RNF13: variants seen among roughly 807,000 people sequenced by gnomAD.
RNF13 encodes the protein E3 ubiquitin-protein ligase RNF13.
Under a neutral mutation model 37.7 loss-of-function variants are expected in RNF13, and 19 were observed. The observed-to-expected ratio is 0.50, with a 90% CI of 0.35 to 0.74. The LOEUF (loss-of-function observed/expected upper bound fraction) is 0.74. Ranked by LOEUF, RNF13 falls within the 30% of genes least tolerant of loss-of-function variation. The pLI, the probability that RNF13 is intolerant of heterozygous loss-of-function variation, is 0.01. For synonymous variants in RNF13, 144 were observed against 157.8 expected, an observed-to-expected ratio of 0.91 and a Z score of 0.65; for missense variants, 375 against 453.0, an observed-to-expected ratio of 0.83 and a Z score of 1.56.
chr3:149,888,774 C>A (rs537195179), intron 4 of RNF13, among the ~76,000 whole-genome samples: 1 of 152,294 alleles, frequency 6.6e-6, no homozygotes, highest in African/African-American at 2.4e-5. Context: ...GTAGCCTGGA[C>A]ATATACACAT....
intron 8 of RNF13, among the ~76,000 whole-genome samples, chr3:149,926,033 G>A (rs145814746): frequency 1.8e-3 from 280 of 152,220 alleles, no homozygotes; most frequent in African/African-American, 6.4e-3. Flanking sequence ...ATATATGCCC[G>A]TGTGTCTGTT....
chr3:149,837,619 C>T (rs888119243), intron 1 of RNF13, among the ~76,000 whole-genome samples: 4 of 152,156 alleles, frequency 2.6e-5, no homozygotes, highest in African/African-American at 9.7e-5. Context: ...ATAAATCCAT[C>T]AGATCTCATG....
chr3:149,907,294 G>A (rs1001696650), intron 6 of RNF13, among the ~76,000 whole-genome samples: 2 of 152,132 alleles, frequency 1.3e-5, no homozygotes, highest in African/African-American at 4.8e-5. Context: ...TTAAATAGTA[G>A]TAGAGATAGG....
intron 3 of RNF13, among the ~76,000 whole-genome samples, chr3:149,870,377 G>A (rs1365252089): frequency 1.3e-5 from 2 of 151,474 alleles, no homozygotes; most frequent in African/African-American, 4.8e-5. Context: ...TGTGGCCCTG[G>A]GAATGATCTC....
At chr3:149,823,574 C>A (rs1370372832) in intron 1 of RNF13, among the ~76,000 whole-genome samples, 1 of 152,102 alleles carries the variant, frequency 6.6e-6, no homozygotes, top group Non-Finnish European at 1.5e-5. Flanking sequence ...GATTTATATT[C>A]ATTGGAAAAT....
chr3:149,954,878 G>A (rs1721710130), intron 8 of RNF13, among the ~76,000 whole-genome samples: 1 of 152,016 alleles, frequency 6.6e-6, no homozygotes, highest in South Asian at 2.1e-4. Flanking sequence ...AGCAAAATGT[G>A]GTTTCCTGTA....
Position 149,960,792 on chromosome 3 carries a change from T to G in RNF13, c.834T>G (p.Cys278Trp). Residue 278 changes from cysteine (C) to tryptophan (W), a missense_variant, in exon 10 of 10, where the codon TGT (cysteine) becomes TGG (tryptophan). Physicochemically the swap from Cys to Trp is radical, Grantham distance 215. Transcript: ENST00000392894. Reference protein sequence around the residue: ...DPWLTKTKKTCPVCKQKVVPS... With the variant: ...DPWLTKTKKTWPVCKQKVVPS... ...GGCTAACTAAAACCAAAAAAACCTG[T>G]CCAGTGTGCAAGCAAAAAGTTGTTC... 1 of 1,614,062 alleles carries G rather than the reference T, an allele frequency of 6.2e-7. No homozygotes were observed. Among genetic ancestry groups the G allele is most frequent in the Non-Finnish European group, 8.5e-7 (1 of 1,179,988 alleles).
chr3:149,942,038 C>T (rs1350877364), intron 8 of RNF13, among the ~76,000 whole-genome samples: 1 of 151,948 alleles, frequency 6.6e-6, no homozygotes, highest in Non-Finnish European at 1.5e-5. Context: ...GGGTTTATTC[C>T]TAGGCTCTAA....
chr3:149,874,840 A>G (rs1346710862), intron 4 of RNF13, among the ~76,000 whole-genome samples: 7 of 152,172 alleles, frequency 4.6e-5, no homozygotes, highest in African/African-American at 1.7e-4. Context: ...ATCGCACCCT[A>G]AAGAAGATTT....
chr3:149,888,904 A>C (rs1559931093), intron 4 of RNF13, among the ~76,000 whole-genome samples: 1 of 152,208 alleles, frequency 6.6e-6, no homozygotes, highest in African/African-American at 2.4e-5. Context: ...AATAGATTGC[A>C]TTTTATTAGA....
chr3:149,926,834 C>T (rs150498742), intron 8 of RNF13, among the ~76,000 whole-genome samples: 15 of 152,172 alleles, frequency 9.9e-5, no homozygotes, highest in African/African-American at 3.4e-4. Context: ...GTTTCAATTA[C>T]AGTAGGTTCA....
chr3:149,921,644 T>C (rs1436383531), intron 8 of RNF13, among the ~76,000 whole-genome samples: 2 of 152,254 alleles, frequency 1.3e-5, no homozygotes, highest in African/African-American at 4.8e-5. Flanking sequence ...TCTGTTTTTC[T>C]GGCTGCATAG....
intron 1 of RNF13, among the ~76,000 whole-genome samples, chr3:149,841,041 CT>C (rs1722130467): frequency 6.6e-6 from 1 of 152,208 alleles, no homozygotes; most frequent in Non-Finnish European, 1.5e-5. Flanking sequence ...GAAACAGACA[CT>C]GTAGGGAATC....
chr3:149,952,778 T>C (rs1432840101), intron 8 of RNF13, among the ~76,000 whole-genome samples: 2 of 152,134 alleles, frequency 1.3e-5, no homozygotes, highest in East Asian at 3.9e-4. Flanking sequence ...TTTGTATTTT[T>C]AGTAGAGACA....
chr3:149,949,428 G>GC (rs918541339), intron 8 of RNF13, among the ~76,000 whole-genome samples: 1 of 145,068 alleles, frequency 6.9e-6, no homozygotes, highest in Non-Finnish European at 1.5e-5. Flanking sequence ...GTACTGGGTT[G>GC]CTTTTTTTTT....
At chr3:149,827,590 C>A (rs530230230) in intron 1 of RNF13, among the ~76,000 whole-genome samples, 1 of 152,032 alleles carries the variant, frequency 6.6e-6, no homozygotes, top group African/African-American at 2.4e-5. Flanking sequence ...AATAAAGATT[C>A]CTGTCTTTGA....
intron 4 of RNF13, among the ~76,000 whole-genome samples, chr3:149,884,378 A>G (rs1713774114): frequency 6.6e-6 from 1 of 151,884 alleles, no homozygotes; most frequent in African/African-American, 2.4e-5. Flanking sequence ...TGTCCTCTGA[A>G]TGATCTAGTA....
intron 5 of RNF13, among the ~76,000 whole-genome samples, chr3:149,896,489 T>A (rs534493661): frequency 5.9e-5 from 9 of 152,050 alleles, no homozygotes; most frequent in Admixed American, 6.5e-5. Context: ...CTTTATTTTT[T>A]TTTTTTTGAG....
intron 6 of RNF13, among the ~76,000 whole-genome samples, chr3:149,907,192 A>G (rs988181891): frequency 1.3e-5 from 2 of 152,136 alleles, no homozygotes; most frequent in Non-Finnish European, 2.9e-5. Context: ...TTTTCATATA[A>G]ATAGAAATAG....
Sources: gnomAD v4.1 joint callset for allele counts (sites outside exome capture counted in the v4.1 genomes callset) on GRCh38, gnomAD v4.1.1 for gene constraint, MANE v1.5 for transcripts, NCBI Gene and HGNC (gene_info 2026-07-23, HGNC 2026-07-21) for gene names.